SYNGR1: variants seen among roughly 807,000 people sequenced by gnomAD.
SYNGR1 encodes the protein synaptogyrin 1.
A neutral mutation model predicts 26.1 loss-of-function variants in SYNGR1; 14 were observed. The observed-to-expected ratio is 0.54, with a 90% CI of 0.35 to 0.84. The LOEUF is 0.84. SYNGR1 is among the 40% of genes least tolerant of loss of function. SYNGR1 has a pLI of 0.01. For synonymous variants in SYNGR1, 141 were observed against 150.1 expected, an observed-to-expected ratio of 0.94 and a Z score of 0.44; for missense variants, 319 against 332.9, an observed-to-expected ratio of 0.96 and a Z score of 0.33.
intron 1 of SYNGR1, among the ~76,000 whole-genome samples, chr22:39,361,715 A>G (rs1267425325): frequency 6.6e-6 from 1 of 151,824 alleles, no homozygotes; most frequent in African/African-American, 2.4e-5. Flanking sequence ...GGCCGCATCT[A>G]TAAAATGGGT....
rs137704 is a variant in SYNGR1 at position 39,354,843 on chromosome 22, TA to T, written c.99+4748del. Reference sequence around the variant, plus strand: ...AACAAAAGCAAAACTCTGTCTCAAATAAAAAAAAAAAAAAGCTGAACGTTTT... The same window carrying T: ...AACAAAAGCAAAACTCTGTCTCAAATAAAAAAAAAAAAAGCTGAACGTTTT... On this transcript the variant is annotated intron_variant, in intron 1 of 3. Coordinates refer to ENST00000328933, the MANE Select transcript of SYNGR1 (RefSeq NM_004711.5). Among the ~76,000 whole-genome samples the T allele has an allele frequency of 2.2e-3, 317 of 141,194 alleles. 1 individual carries two copies. The highest frequency in any genetic ancestry group is 5.4e-3 in the African/African-American group (198 of 36,986). 92.6% of individuals were successfully genotyped at this position (141,194 alleles called of 152,430 possible).
chr22:39,373,138 TACACACACACACAC>T (rs10548475), intron 1 of SYNGR1, among the ~76,000 whole-genome samples: 1 of 146,318 alleles, frequency 6.8e-6, no homozygotes, highest in African/African-American at 2.5e-5. Context: ...TTCTATTTAA[TACACACACACACAC>T]ACACACACAC....
At chr22:39,373,600 T>C (rs2145627887) in intron 1 of SYNGR1, among the ~76,000 whole-genome samples, 1 of 152,122 alleles carries the variant, frequency 6.6e-6, no homozygotes, top group South Asian at 2.1e-4. Flanking sequence ...CTCCCCCTCA[T>C]CTTCCCTGGT....
intron 1 of SYNGR1, among the ~76,000 whole-genome samples, chr22:39,357,960 A>T (rs2145608820): frequency 6.6e-6 from 1 of 152,288 alleles, no homozygotes; most frequent in African/African-American, 2.4e-5. Flanking sequence ...AGTCCCATCG[A>T]CCACCCAAGG....
Position 39,350,166 on chromosome 22 carries a change from A to G in SYNGR1, c.99+57A>G. The G allele has an allele frequency of 8.0e-7, 1 of 1,248,764 alleles. No individual in the cohort carries two copies. Among genetic ancestry groups the G allele is most frequent in the Non-Finnish European group, 1.0e-6 (1 of 965,544 alleles). The allele number at this position is 1,248,764 out of a possible 1,614,324, so 77.4% of individuals were successfully genotyped here. A position where few individuals can be genotyped will look rare whatever the true frequency, so the allele number is the denominator to read the frequency against. On this transcript the variant is annotated intron_variant, in intron 1 of 3. Coordinates refer to ENST00000328933, the MANE Select transcript of SYNGR1 (RefSeq NM_004711.5). This position sits in a 1 kb window ranked among gnomAD's most constrained non-coding sequence, Gnocchi z 4.3. ...GCCGGGGTGGTGGGGGTGTGAGCAAAGGCGGCGCGCCCGGACCGACCCCGA... is the reference window on the plus strand; with the variant it reads ...GCCGGGGTGGTGGGGGTGTGAGCAAGGGCGGCGCGCCCGGACCGACCCCGA...
chr22:39,354,513 A>AC (rs371511118), intron 1 of SYNGR1, among the ~76,000 whole-genome samples: 3 of 151,910 alleles, frequency 2.0e-5, no homozygotes, highest in Non-Finnish European at 2.9e-5. Context: ...CCTCCACTCC[A>AC]CCCCCCATCA....
rs1925633892 is a variant in SYNGR1, at chr22:39,385,450, G to A, written c.*3536G>A. The A allele has an allele frequency of 6.5e-6, 1 of 152,728 alleles. No homozygotes were observed. The highest frequency in any genetic ancestry group is 1.5e-5 in the Non-Finnish European group (1 of 68,098). The allele number at this position is 152,728 out of a possible 1,614,324, so 9.5% of individuals were successfully genotyped here. A position where few individuals can be genotyped will look rare whatever the true frequency, so the allele number is the denominator to read the frequency against. On this transcript the variant is annotated 3_prime_UTR_variant, in exon 4 of 4. Transcript: ENST00000328933. ...CCACTCTAGACCCCCCCACCACCTG[G>A]TTAAGTCTCGAGTGAATCCAGTGGC...
At chr22:39,354,843 TAA>T (rs137704) in intron 1 of SYNGR1, among the ~76,000 whole-genome samples, 2 of 141,282 alleles carry the variant, frequency 1.4e-5, no homozygotes, top group African/African-American at 5.4e-5. Flanking sequence ...CTGTCTCAAA[TAA>T]AAAAAAAAAA....
At chr22:39,362,451 C>T (rs942240437) in intron 1 of SYNGR1, among the ~76,000 whole-genome samples, 9 of 152,144 alleles carry the variant, frequency 5.9e-5, no homozygotes, top group Middle Eastern at 3.2e-3. Context: ...TCACCTGCCC[C>T]ACCCCCACCT....
chr22:39,379,939 C>T (rs1183396977), intron 3 of SYNGR1: 1 of 152,206 alleles, frequency 6.6e-6, no homozygotes, highest in Non-Finnish European at 1.5e-5. Flanking sequence ...AGCACATTCC[C>T]ATCACAGGCA....
At position 39,371,436 on chromosome 22, in the gene SYNGR1, A is replaced by G. The variant is rs541045535; in HGVS notation, c.100-2880A>G. ...GGTTGTGGTGGACTGAGATTGCACC[A>G]TTGCACTCCAGCCTGGGCAACAAGA... is the stretch of plus-strand genomic sequence containing the variant. On this transcript the variant is annotated intron_variant, in intron 1 of 3. Transcript: ENST00000328933. Among the ~76,000 whole-genome samples the G allele has an allele frequency of 8.1e-5, 12 of 148,048 alleles. No homozygotes were observed. The South Asian group carries it at 2.1e-3, about 26-fold the overall frequency.
chr22:39,384,944 G>T lies in SYNGR1; in HGVS notation c.*3030G>T, dbSNP rs1448694300. 2 of 398,870 alleles carry T rather than the reference G, an allele frequency of 5.0e-6. No homozygotes were observed. The highest frequency in any genetic ancestry group is 4.1e-5 in the African/African-American group (2 of 48,630). 24.7% of individuals were successfully genotyped at this position (398,870 alleles called of 1,614,324 possible). A position where few individuals can be genotyped will look rare whatever the true frequency, so the allele number is the denominator to read the frequency against. On this transcript the variant is annotated 3_prime_UTR_variant, in exon 4 of 4. Coordinates refer to ENST00000328933, the MANE Select transcript of SYNGR1 (RefSeq NM_004711.5). ...ATCCTGGGCAGTCACAGACTGTCCT[G>T]CCTGCACGGCTCCTATCCACCTGGG...
intron 1 of SYNGR1, among the ~76,000 whole-genome samples, chr22:39,365,790 CATT>C (rs1344974541): frequency 2.0e-5 from 3 of 151,980 alleles, no homozygotes; most frequent in Admixed American, 1.3e-4. Flanking sequence ...CCATTATCAT[CATT>C]GAGCCTAAAC....
At chr22:39,379,040 C>T (rs1468585971) in intron 3 of SYNGR1, among the ~76,000 whole-genome samples, 2 of 152,158 alleles carry the variant, frequency 1.3e-5, no homozygotes, top group Non-Finnish European at 2.9e-5. Flanking sequence ...CGGGGAGAAC[C>T]GCGTCTACAG....
At chr22:39,372,977 A>G (rs1925099393) in intron 1 of SYNGR1, among the ~76,000 whole-genome samples, 1 of 152,070 alleles carries the variant, frequency 6.6e-6, no homozygotes, top group Non-Finnish European at 1.5e-5. Flanking sequence ...AGCAAGATGG[A>G]GGCAGAAATC....
At chr22:39,367,453 G>A (rs536262310) in intron 1 of SYNGR1, among the ~76,000 whole-genome samples, 4 of 152,200 alleles carry the variant, frequency 2.6e-5, no homozygotes, top group African/African-American at 9.6e-5. Flanking sequence ...AGGTGGTAGG[G>A]GGAGTGGAAG....
At chr22:39,373,773 A>C (rs1601663607) in intron 1 of SYNGR1, among the ~76,000 whole-genome samples, 1 of 151,996 alleles carries the variant, frequency 6.6e-6, no homozygotes, top group Non-Finnish European at 1.5e-5. Context: ...ATGAGCCACC[A>C]CCCCCAGCCC....
At position 39,382,041 on chromosome 22, in the gene SYNGR1, G is replaced by C; in HGVS notation, c.*127G>C. The C allele has an allele frequency of 9.5e-7, 1 of 1,050,224 alleles. No individual in the cohort carries two copies. The highest frequency in any genetic ancestry group is 1.4e-6 in the Non-Finnish European group (1 of 710,212). 65.1% of individuals were successfully genotyped at this position (1,050,224 alleles called of 1,614,324 possible). A position where few individuals can be genotyped will look rare whatever the true frequency, so the allele number is the denominator to read the frequency against. The stretch of plus-strand genomic sequence containing the variant: ...TCTGCCTTGTCCCACTGAGGTCCAG[G>C]GTAGCTCGGGGCAGGGGTGGGGCAG... On this transcript the variant is annotated 3_prime_UTR_variant, in exon 4 of 4. Coordinates refer to ENST00000328933, the MANE Select transcript of SYNGR1 (RefSeq NM_004711.5).
Position 39,350,503 on chromosome 22 carries a change from G to C in SYNGR1, c.99+394G>C, listed in dbSNP as rs770052759. 2.4e-4 allele frequency among the ~76,000 whole-genome samples: 37 copies of C among 152,198 alleles called. No individual in the cohort carries two copies. The highest frequency in any genetic ancestry group is 4.0e-4 in the Non-Finnish European group (27 of 68,018). ...CCAGGGTTTAAGGTGGCCTTTTTTGGGGGGTGGATCAGGGCGTGGACCATC... is the reference window on the plus strand; with the variant it reads ...CCAGGGTTTAAGGTGGCCTTTTTTGCGGGGTGGATCAGGGCGTGGACCATC... On this transcript the variant is annotated intron_variant, in intron 1 of 3. Transcript: ENST00000328933. This position sits in a 1 kb window ranked among gnomAD's most constrained non-coding sequence, Gnocchi z 4.3.
Sources: allele counts gnomAD v4.1 joint callset (sites outside exome capture counted in the v4.1 genomes callset), GRCh38; gene constraint gnomAD v4.1.1; non-coding constraint Gnocchi (gnomAD v3.1); transcripts MANE v1.5; gene names NCBI Gene and HGNC (gene_info 2026-07-23, HGNC 2026-07-21).